CAPRIN1: variants seen among roughly 807,000 people sequenced by gnomAD.
CAPRIN1 encodes caprin-1.
CAPRIN1 carries 29 observed loss-of-function variants against 100.9 expected under a neutral mutation model. The observed-to-expected ratio is 0.29, with a 90% CI of 0.21 to 0.39. The LOEUF is 0.39. CAPRIN1 is among the 10% of genes least tolerant of loss of function. The probability of loss-of-function intolerance (pLI) is 1.00; values close to 1 mark genes in which losing one functional copy is unlikely to be tolerated. For synonymous variants in CAPRIN1, 338 were observed against 307.5 expected (o/e 1.10, Z -1.04); for missense variants, 795 against 876.7 (o/e 0.91, Z 1.18).
At chr11:34,072,097 A>G in intron 4 of CAPRIN1, 110 bp downstream of exon 4, 1 of 650,790 alleles carries the variant, frequency 1.5e-6, no homozygotes, top group Non-Finnish European at 2.7e-6. Context: ...AGTTGTATCC[A>G]ATTATATCTA....
intron 2 of CAPRIN1, among the ~76,000 whole-genome samples, chr11:34,061,969 C>CGA (rs1850589294): frequency 8.5e-6 from 1 of 118,252 alleles, no homozygotes; most frequent in Non-Finnish European, 1.7e-5. Flanking sequence ...GAGTCTGTCT[C>CGA]AAAAAAAAAA....
chr11:34,081,687 A>G (rs1297932780), intron 7 of CAPRIN1, among the ~76,000 whole-genome samples: 2 of 151,430 alleles, frequency 1.3e-5, no homozygotes, highest in Non-Finnish European at 2.9e-5. Flanking sequence ...TAGTAGAGAC[A>G]GGGTTTCACC....
At chr11:34,056,438 T>C (rs1590717521) in intron 2 of CAPRIN1, 1 of 152,358 alleles carries the variant, frequency 6.6e-6, no homozygotes, top group East Asian at 1.9e-4. Flanking sequence ...TGAAATATGA[T>C]CGTGTTATGT....
At chr11:34,080,109 A>C (rs1850994825) in intron 7 of CAPRIN1, among the ~76,000 whole-genome samples, 1 of 151,660 alleles carries the variant, frequency 6.6e-6, no homozygotes, top group African/African-American at 2.4e-5. Context: ...ATTTTTAGTA[A>C]AGACGGGGTT....
At position 34,087,479 on chromosome 11, in the gene CAPRIN1, G is replaced by A. The variant is rs1385693168; in HGVS notation, c.1231+1066G>A. On this transcript the variant is annotated intron_variant, in intron 11 of 18. Coordinates refer to ENST00000341394, the MANE Select transcript of CAPRIN1 (RefSeq NM_005898.5). ...CTCCCAAGTAGCTGGGACTACAGGCGCCCGCCACTACACCCGGCTAATTTT... is the reference window on the plus strand; with the variant it reads ...CTCCCAAGTAGCTGGGACTACAGGCACCCGCCACTACACCCGGCTAATTTT... Among the ~76,000 whole-genome samples the A allele has an allele frequency of 2.1e-5, 3 of 142,002 alleles. 1 individual carries two copies. The highest frequency in any genetic ancestry group is 8.1e-5 in the African/African-American group (3 of 37,236). The allele number at this position is 142,002 out of a possible 152,430, so 93.2% of individuals were successfully genotyped here. A position where few individuals can be genotyped will look rare whatever the true frequency, so the allele number is the denominator to read the frequency against.
In CAPRIN1 at chr11:34,071,705, CTTTT is replaced by C. The variant is rs751029247; in HGVS notation, c.217-16_217-13del. The C allele has an allele frequency of 1.3e-6, 2 of 1,574,550 alleles. No homozygotes were observed. The highest frequency in any genetic ancestry group is 3.4e-5 in the Admixed American group (2 of 59,424). On this transcript the variant is annotated splice_polypyrimidine_tract_variant and intron_variant, in intron 2 of 18. Transcript: ENST00000341394. Reference sequence around the variant, plus strand: ...TATACCTTCAAAACGGAATGTAATTCTTTTTTTTCTTTTAACATAGGGTAAGCTT... The same window carrying C: ...TATACCTTCAAAACGGAATGTAATTCTTTTCTTTTAACATAGGGTAAGCTT...
At chr11:34,092,545 A>C (rs569923129) in intron 15 of CAPRIN1, among the ~76,000 whole-genome samples, 28 of 152,062 alleles carry the variant, frequency 1.8e-4, no homozygotes, top group Non-Finnish European at 3.2e-4. Flanking sequence ...TTTTTGGTAA[A>C]GTTGGGGTTT....
chr11:34,097,113 G>C, intron 16 of CAPRIN1, 83 bp from the exon 17 acceptor site: 1 of 918,498 alleles, frequency 1.1e-6, no homozygotes, highest in Non-Finnish European at 1.8e-6. Flanking sequence ...ATAATTTCTA[G>C]TTCTTCCCGT....
chr11:34,093,570 T>G (rs1227558273), intron 15 of CAPRIN1, among the ~76,000 whole-genome samples: 1 of 152,230 alleles, frequency 6.6e-6, no homozygotes, highest in Non-Finnish European at 1.5e-5. Flanking sequence ...ATTAGATTTT[T>G]CAGTAGTAAA....
chr11:34,084,023 C>A (rs1229358103), intron 9 of CAPRIN1, among the ~76,000 whole-genome samples: 2 of 152,076 alleles, frequency 1.3e-5, no homozygotes, highest in Admixed American at 1.3e-4. Flanking sequence ...GAGCTGAGAT[C>A]GTGCCACTGC....
At chr11:34,064,619 C>T (rs941157542) in intron 2 of CAPRIN1, among the ~76,000 whole-genome samples, 3 of 152,184 alleles carry the variant, frequency 2.0e-5, no homozygotes, top group South Asian at 2.1e-4. Flanking sequence ...GACCAATTGT[C>T]GTAAGAGGCT....
intron 6 of CAPRIN1, among the ~76,000 whole-genome samples, chr11:34,078,535 T>C (rs1169147991): frequency 6.6e-6 from 1 of 152,332 alleles, no homozygotes; most frequent in East Asian, 1.9e-4. Context: ...TTCTCTTGTC[T>C]GACGCAGTTG....
chr11:34,098,382 GTTTTTC>G, intron 18 of CAPRIN1: 1 of 985,138 alleles, frequency 1.0e-6, no homozygotes, highest in Non-Finnish European at 1.2e-6. Flanking sequence ...AGAGTTTTTT[GTTTTTC>G]TTTTACTGTT....
Position 34,101,651 on chromosome 11 carries a change from A to G in CAPRIN1, c.*2284A>G, listed in dbSNP as rs544759382. Reference sequence around the variant, plus strand: ...TATTTTACCATCACAGTTTAAATGTATATCTTTTATGTCTCTACTCAGACC... The same window carrying G: ...TATTTTACCATCACAGTTTAAATGTGTATCTTTTATGTCTCTACTCAGACC... On this transcript the variant is annotated 3_prime_UTR_variant, in exon 19 of 19. Coordinates refer to ENST00000341394, the MANE Select transcript of CAPRIN1 (RefSeq NM_005898.5). 9.8e-5 allele frequency among the ~76,000 whole-genome samples: 15 copies of G among 152,286 alleles called. No individual in the cohort carries two copies. In the South Asian group the frequency reaches 1.2e-3, roughly 13 times the overall value.
At chr11:34,091,347 C>T (rs975080329) in intron 14 of CAPRIN1, among the ~76,000 whole-genome samples, 21 of 152,132 alleles carry the variant, frequency 1.4e-4, no homozygotes, top group Non-Finnish European at 1.8e-4. Flanking sequence ...AGTGTAGTGG[C>T]GTGATCTCAG....
intron 4 of CAPRIN1, among the ~76,000 whole-genome samples, chr11:34,075,543 A>G (rs1850889427): frequency 6.6e-6 from 1 of 152,232 alleles, no homozygotes; most frequent in Non-Finnish European, 1.5e-5. Flanking sequence ...CATAAAAACA[A>G]ATTAGGCACT....
intron 2 of CAPRIN1, 89 bp downstream of exon 2, chr11:34,052,725 T>C: frequency 1.4e-6 from 2 of 1,461,826 alleles, no homozygotes; most frequent in South Asian, 1.2e-5. Context: ...TCGCTTCTTT[T>C]CGTCTCGGGA....
intron 18 of CAPRIN1, 152 bp downstream of exon 18, chr11:34,097,913 T>C (rs1201623567): frequency 7.2e-7 from 1 of 1,393,246 alleles, no homozygotes; most frequent in East Asian, 2.5e-5. Context: ...TAAAACTTAA[T>C]CTTGGACCCA....
chr11:34,061,774 C>T (rs1850583314), intron 2 of CAPRIN1, among the ~76,000 whole-genome samples: 2 of 151,750 alleles, frequency 1.3e-5, no homozygotes, highest in South Asian at 4.2e-4. Context: ...AGTTGGAGAT[C>T]AGCCTGGCCA....
Sources: gnomAD v4.1 joint callset for allele counts (sites outside exome capture counted in the v4.1 genomes callset) on GRCh38, gnomAD v4.1.1 for gene constraint, MANE v1.5 for transcripts, NCBI Gene and HGNC (gene_info 2026-07-23, HGNC 2026-07-21) for gene names.